ZMIZ1: variants seen among roughly 807,000 people sequenced by gnomAD.
ZMIZ1 encodes the protein zinc finger MIZ domain-containing protein 1.
ZMIZ1 carries 17 observed loss-of-function variants against 113.9 expected under a neutral mutation model. That is an observed-to-expected ratio of 0.15 (90% CI 0.10 to 0.22). The LOEUF is 0.22. Ranked by LOEUF, ZMIZ1 falls within the 10% of genes least tolerant of loss-of-function variation. The pLI, the probability that ZMIZ1 is intolerant of heterozygous loss-of-function variation, is 1.00. For missense variants in ZMIZ1, 1,059 were observed against 1,477.8 expected (o/e 0.72, Z 4.65); for synonymous variants, 607 against 603.1 (o/e 1.01, Z -0.09).
At chr10:79,071,416 G>T (rs1842282859) in intron 1 of ZMIZ1, among the ~76,000 whole-genome samples, 1 of 152,244 alleles carries the variant, frequency 6.6e-6, no homozygotes. Context: ...TACAGATAAA[G>T]AGGCAGGCGC....
chr10:79,249,160 G>A (rs1367255516), intron 7 of ZMIZ1, among the ~76,000 whole-genome samples: 1 of 152,220 alleles, frequency 6.6e-6, no homozygotes, highest in African/African-American at 2.4e-5. Flanking sequence ...CACTTCTGCT[G>A]CTTCCAGGCC....
chr10:79,169,334 G>A (rs761503609), intron 4 of ZMIZ1, among the ~76,000 whole-genome samples: 1 of 152,218 alleles, frequency 6.6e-6, no homozygotes, highest in Non-Finnish European at 1.5e-5. Flanking sequence ...TCCCTCTCAG[G>A]TAGGGGTTCC....
At chr10:79,093,803 GC>G (rs1224018795) in intron 1 of ZMIZ1, among the ~76,000 whole-genome samples, 5 of 152,162 alleles carry the variant, frequency 3.3e-5, no homozygotes. Context: ...CTCTCTCTGG[GC>G]CATCCCTGCC....
At chr10:79,150,990 G>C (rs1845690893) in intron 3 of ZMIZ1, among the ~76,000 whole-genome samples, 1 of 152,076 alleles carries the variant, frequency 6.6e-6, no homozygotes, top group African/African-American at 2.4e-5. Flanking sequence ...TATCAGCAGG[G>C]GTAGCAGCTT....
At position 79,309,609 on chromosome 10, in the gene ZMIZ1, G is replaced by A. The variant is rs1235729124; in HGVS notation, c.2836-1315G>A. On this transcript the variant is annotated intron_variant, in intron 23 of 24. Transcript: ENST00000334512. ...TTGGGGCCCTACACCCTGAGAAGGG[G>A]ACACCTGGACCGTGGGCAGAGCCCG... Among the ~76,000 whole-genome samples, 3 of 152,378 alleles carry A rather than the reference G, an allele frequency of 2.0e-5. No individual in the cohort carries two copies. In the South Asian group the frequency reaches 6.2e-4, roughly 32 times the overall value.
chr10:79,132,521 A>G (rs1203729926), intron 2 of ZMIZ1, among the ~76,000 whole-genome samples: 2 of 152,276 alleles, frequency 1.3e-5, no homozygotes, highest in East Asian at 1.9e-4. Flanking sequence ...TAAATTCCTA[A>G]AAGTTTGGAC....
Position 79,201,707 on chromosome 10 carries a change from A to G in ZMIZ1, c.60+15A>G. ...GCATCAAGCAGGTGGGTGTGGGGCA[A>G]GGCACACTCCGAGGGCGGGGCAGAT... On this transcript the variant is annotated intron_variant, in intron 5 of 24. Transcript: ENST00000334512. 6.2e-6 allele frequency: 10 copies of G among 1,611,978 alleles called. No homozygotes were observed. Among genetic ancestry groups the G allele is most frequent in the Non-Finnish European group, 8.5e-6 (10 of 1,179,552 alleles).
intron 7 of ZMIZ1, among the ~76,000 whole-genome samples, chr10:79,250,197 C>T (rs998220143): frequency 7.9e-5 from 12 of 152,330 alleles, no homozygotes; most frequent in African/African-American, 2.4e-4. Flanking sequence ...TTCCTGAGCC[C>T]GAGACTGGGT....
intron 6 of ZMIZ1, among the ~76,000 whole-genome samples, chr10:79,212,947 G>T (rs997565337): frequency 6.6e-6 from 1 of 152,064 alleles, no homozygotes; most frequent in Non-Finnish European, 1.5e-5. Context: ...TGTCTGTGGC[G>T]TGAGGCTGGG....
intron 4 of ZMIZ1, 23 bp downstream of exon 4, chr10:79,162,156 G>A (rs1846137141): frequency 7.5e-6 from 3 of 399,446 alleles, no homozygotes; most frequent in South Asian, 1.3e-4. Context: ...CGGGGCTGGC[G>A]GGAGGTGGCT....
chr10:79,305,081 A>C, intron 19 of ZMIZ1, 83 bp from the exon 20 acceptor site: 1 of 1,466,744 alleles, frequency 6.8e-7, no homozygotes, highest in Non-Finnish European at 9.5e-7. Flanking sequence ...TCTGGTGGGG[A>C]AGTTATTCCA....
chr10:79,088,665 C>G (rs555760580), intron 1 of ZMIZ1, among the ~76,000 whole-genome samples: 2 of 152,328 alleles, frequency 1.3e-5, no homozygotes, highest in South Asian at 2.1e-4. Flanking sequence ...GACTACTGTT[C>G]CGACTCTGAG....
Position 79,299,072 on chromosome 10 carries a change from G to C in ZMIZ1, c.1689G>C (p.Arg563=). The C allele has an allele frequency of 6.2e-7, 1 of 1,611,664 alleles. No individual in the cohort carries two copies. Among genetic ancestry groups the C allele is most frequent in the African/African-American group, 1.3e-5 (1 of 75,030 alleles). ...CAGCCAACCACAATGACGAGCTGCG[G>C]CTCACATTCCCTGTGCGGGATGGCG... is the stretch of plus-strand genomic sequence containing the variant. ...PPPANHNDEL[R]LTFPVRDGVV... Residue 563 remains arginine, a synonymous_variant, in exon 16 of 25, where the codon CGG becomes CGC. Coordinates refer to ENST00000334512, the MANE Select transcript of ZMIZ1 (RefSeq NM_020338.4).
intron 2 of ZMIZ1, among the ~76,000 whole-genome samples, chr10:79,124,452 A>G (rs1844429686): frequency 6.6e-6 from 1 of 152,240 alleles, no homozygotes; most frequent in Non-Finnish European, 1.5e-5. Flanking sequence ...CCCTACCACA[A>G]CAAACTGCCT....
At chr10:79,103,283 C>G (rs567437282) in intron 1 of ZMIZ1, among the ~76,000 whole-genome samples, 21 of 149,734 alleles carry the variant, frequency 1.4e-4, no homozygotes, top group Middle Eastern at 7.0e-3. Context: ...GCTCGAGGGC[C>G]GTGGGGATGC....
chr10:79,090,997 A>G (rs1473661937), intron 1 of ZMIZ1, among the ~76,000 whole-genome samples: 1 of 152,080 alleles, frequency 6.6e-6, no homozygotes, highest in African/African-American at 2.4e-5. Flanking sequence ...GGGGGCTCAC[A>G]CTCACCTGTC....
At position 79,314,054 on chromosome 10, in the gene ZMIZ1, G is replaced by A. The variant is rs1308568137; in HGVS notation, c.*1305G>A. 2.2e-6 allele frequency: 1 copy of A among 456,846 alleles called. No individual in the cohort carries two copies. 28.3% of individuals were successfully genotyped at this position (456,846 alleles called of 1,614,324 possible). On this transcript the variant is annotated 3_prime_UTR_variant, in exon 25 of 25. Transcript: ENST00000334512. ...GGGCCTGCCCCAGACACTGCCCTTG[G>A]CTGCCAGCCTACCCTGCCTGCACTC... is the stretch of plus-strand genomic sequence containing the variant.
At chr10:79,165,663 C>T (rs1262979786) in intron 4 of ZMIZ1, among the ~76,000 whole-genome samples, 1 of 152,220 alleles carries the variant, frequency 6.6e-6, no homozygotes, top group African/African-American at 2.4e-5. Context: ...GACTGAGGGG[C>T]AGTGTGGGGC....
chr10:79,207,515 C>A (rs1045439848), intron 5 of ZMIZ1, among the ~76,000 whole-genome samples: 1 of 152,200 alleles, frequency 6.6e-6, no homozygotes. Context: ...TGCACCTCAC[C>A]CACCCCACCA....
Sources: allele counts gnomAD v4.1 joint callset (sites outside exome capture counted in the v4.1 genomes callset), GRCh38; gene constraint gnomAD v4.1.1; transcripts MANE v1.5; gene names NCBI Gene and HGNC (gene_info 2026-07-23, HGNC 2026-07-21).